GET4: variants seen among roughly 807,000 people sequenced by gnomAD.
GET4 encodes guided entry of tail-anchored proteins factor 4.
GET4 carries 20 observed loss-of-function variants against 40.0 expected under a neutral mutation model. The observed-to-expected ratio is 0.50, with a 90% CI of 0.35 to 0.73. The LOEUF is 0.73. Among genes scored for constraint, GET4 ranks in the 30% least tolerant of loss-of-function variants. The pLI is 0.01. For missense variants in GET4, 557 were observed against 454.0 expected, an observed-to-expected ratio of 1.23 and a Z score of -2.06; for synonymous variants, 280 against 194.6, an observed-to-expected ratio of 1.44 and a Z score of -3.65.
At position 877,657 on chromosome 7, in the gene GET4, C is replaced by T. The variant is rs75112181; in HGVS notation, c.155+857C>T. 2.4e-3 allele frequency among the ~76,000 whole-genome samples: 326 copies of T among 136,110 alleles called. 12 individuals carry two copies. Among genetic ancestry groups the T allele is most frequent in the East Asian group, 0.017 (76 of 4,496 alleles). 89.3% of individuals were successfully genotyped at this position (136,110 alleles called of 152,430 possible). On this transcript the variant is annotated intron_variant, in intron 1 of 8. Coordinates refer to ENST00000265857, the MANE Select transcript of GET4 (RefSeq NM_015949.3). ...CCCAACTCCGCTTCCTTCCGCCGGG[C>T]CTTCACCTGCTCCCCACCCCATATC...
rs557418447 is a variant in GET4, at chr7:885,544, C to G, written c.156-512C>G. 2.2e-4 allele frequency: 34 copies of G among 156,116 alleles called. No homozygotes were observed. In the South Asian group the frequency reaches 6.3e-3, roughly 29 times the overall value. 9.7% of individuals were successfully genotyped at this position (156,116 alleles called of 1,614,324 possible). The stretch of plus-strand genomic sequence containing the variant: ...ACGGGGCACCCCAGACCCTTCCCTC[C>G]CGTGGGGGGAGGGGTGTGGCACGCA... On this transcript the variant is annotated intron_variant, in intron 1 of 8. Coordinates refer to ENST00000265857, the MANE Select transcript of GET4 (RefSeq NM_015949.3).
Position 876,594 on chromosome 7 carries a change from C to G in GET4, c.-52C>G, listed in dbSNP as rs1394010439. ...GGCCGTCGGGACGGAAGCCGGGAGG[C>G]GCTGCCGACCGCGCCTGCGACAGCG... On this transcript the variant is annotated 5_prime_UTR_variant, in exon 1 of 9. Coordinates refer to ENST00000265857, the MANE Select transcript of GET4 (RefSeq NM_015949.3). 4.3e-6 allele frequency: 5 copies of G among 1,155,344 alleles called. No homozygotes were observed. Among genetic ancestry groups the G allele is most frequent in the Non-Finnish European group, 4.3e-6 (4 of 935,994 alleles). The allele number at this position is 1,155,344 out of a possible 1,614,324, so 71.6% of individuals were successfully genotyped here.
At chr7:885,762 G>C (rs556423037) in intron 1 of GET4, 15 of 399,746 alleles carry the variant, frequency 3.8e-5, no homozygotes, top group African/African-American at 8.3e-5. Flanking sequence ...TGGCCTTTCT[G>C]GTCCCAGCTA....
At chr7:891,182 T>C (rs1844313953) in intron 5 of GET4, 116 bp downstream of exon 5, 1 of 762,960 alleles carries the variant, frequency 1.3e-6, no homozygotes, top group Non-Finnish European at 2.1e-6. Context: ...CTGAGTTCAC[T>C]CTGGGCAGAG....
Position 891,048 on chromosome 7 carries a change from T to C in GET4, c.587T>C (p.Val196Ala). Residue 196 changes from valine (V) to alanine (A), a missense_variant, in exon 5 of 9, where the codon GTG (valine) becomes GCG (alanine). Val to Ala is a moderately conservative substitution (Grantham distance 64). Coordinates refer to ENST00000265857, the MANE Select transcript of GET4 (RefSeq NM_015949.3). ...RGFRSEVDMFVAQAVLQFLCL... is the reference protein window; with the variant it reads ...RGFRSEVDMFAAQAVLQFLCL... ...TTCCGCAGCGAGGTGGACATGTTCG[T>C]GGCCCAGGCCGTGCTACAGTAGGTG... The C allele has an allele frequency of 6.2e-7, 1 of 1,606,734 alleles. No homozygotes were observed. Among genetic ancestry groups the C allele is most frequent in the Non-Finnish European group, 8.5e-7 (1 of 1,174,940 alleles).
chr7:884,389 G>T (rs1406355248), intron 1 of GET4: 1 of 1,293,656 alleles, frequency 7.7e-7, no homozygotes, highest in Non-Finnish European at 1.0e-6. Flanking sequence ...CTGCTGTGGT[G>T]TTGGGGTGGG....
In GET4 at chr7:889,333, C is replaced by G. The variant is rs574032992; in HGVS notation, c.467-1595C>G. On this transcript the variant is annotated intron_variant, in intron 4 of 8. Transcript: ENST00000265857. ...CACGCACTGCCTCTGCAGTCCTGAGCACAGGCTCCATACGGGACCTGAGGC... is the reference window on the plus strand; with the variant it reads ...CACGCACTGCCTCTGCAGTCCTGAGGACAGGCTCCATACGGGACCTGAGGC... Among the ~76,000 whole-genome samples, 6 of 152,380 alleles carry G rather than the reference C, an allele frequency of 3.9e-5. No individual in the cohort carries two copies. In the South Asian group the frequency reaches 1.0e-3, roughly 26 times the overall value.
intron 5 of GET4, 25 bp from the exon 6 acceptor site, chr7:892,250 TCCA>T (rs1554268439): frequency 1.3e-6 from 2 of 1,582,412 alleles, no homozygotes; most frequent in African/African-American, 2.7e-5. Flanking sequence ...CTCCAGCCCT[TCCA>T]CCACCAGCAT....
chr7:889,741 G>C (rs1365379455), intron 4 of GET4, among the ~76,000 whole-genome samples: 1 of 139,708 alleles, frequency 7.2e-6, no homozygotes, highest in African/African-American at 2.7e-5. Context: ...GTTAGGACGG[G>C]GTCTGGGAGT....
At chr7:885,756 CT>C (rs1270818467) in intron 1 of GET4, 1 of 390,656 alleles carries the variant, frequency 2.6e-6, no homozygotes, top group Non-Finnish European at 4.7e-6. Context: ...GCCCAGTGGC[CT>C]TTCTGGTCCC....
intron 1 of GET4, chr7:881,120 C>T (rs926242110): frequency 4.6e-5 from 7 of 152,194 alleles, no homozygotes; most frequent in African/African-American, 1.7e-4. Flanking sequence ...CCGCCCCAGC[C>T]TCCCAAAGTG....
chr7:887,534 A>G lies in GET4; in HGVS notation c.466+15A>G, dbSNP rs1844215854. ...CCTGTGGAAAGGTAGGCCTGGGGCCAGGGCAGGCGTGGGCACCTCTCTGCT... is the reference window on the plus strand; with the variant it reads ...CCTGTGGAAAGGTAGGCCTGGGGCCGGGGCAGGCGTGGGCACCTCTCTGCT... On this transcript the variant is annotated intron_variant, in intron 4 of 8. Transcript: ENST00000265857. 2.0e-6 allele frequency: 3 copies of G among 1,510,276 alleles called. No homozygotes were observed. Among genetic ancestry groups the G allele is most frequent in the Admixed American group, 2.2e-5 (1 of 45,056 alleles). The allele number at this position is 1,510,276 out of a possible 1,614,324, so 93.6% of individuals were successfully genotyped here. A position where few individuals can be genotyped will look rare whatever the true frequency, so the allele number is the denominator to read the frequency against.
intron 1 of GET4, among the ~76,000 whole-genome samples, chr7:878,801 G>A (rs1371237217): frequency 5.9e-5 from 9 of 152,154 alleles, no homozygotes; most frequent in African/African-American, 1.9e-4. Context: ...GGCTGGTCTC[G>A]AACTCCTGAC....
chr7:876,658 G>A lies in GET4; in HGVS notation c.13G>A (p.Ala5Thr), dbSNP rs1225166459. The A allele has an allele frequency of 1.6e-6, 2 of 1,283,976 alleles. No homozygotes were observed. Among genetic ancestry groups the A allele is most frequent in the Non-Finnish European group, 9.9e-7 (1 of 1,008,380 alleles). 79.5% of individuals were successfully genotyped at this position (1,283,976 alleles called of 1,614,324 possible). A position where few individuals can be genotyped will look rare whatever the true frequency, so the allele number is the denominator to read the frequency against. ...GAGCGCCGGCCCGATGGCGGCGGCGGCGGCGATGGCCGAGCAGGAGAGCGC... is the reference window on the plus strand; with the variant it reads ...GAGCGCCGGCCCGATGGCGGCGGCGACGGCGATGGCCGAGCAGGAGAGCGC... MAAA[A>T]AMAEQESARN... is the part of the protein sequence containing the mutation. The change falls in exon 1 of 9, where the codon GCG becomes ACG. Residue 5 changes from alanine to threonine, a missense_variant. Transcript: ENST00000265857.
rs529786928 is a variant in GET4 at position 886,838 on chromosome 7, C to G, written c.316+188C>G. Among the ~76,000 whole-genome samples, 410 of 152,366 alleles carry G rather than the reference C, an allele frequency of 2.7e-3. 2 individuals carry two copies. The highest frequency in any genetic ancestry group is 9.3e-3 in the African/African-American group (388 of 41,584). ...CCCCTGGCTGACCCTGGCGCGAGCA[C>G]ACGGCAGGCTGAGCAGGACCTGCTG... On this transcript the variant is annotated intron_variant, in intron 3 of 8. Transcript: ENST00000265857.
chr7:892,167 G>A (rs528064213), intron 5 of GET4, 111 bp from the exon 6 acceptor site: 26 of 1,110,920 alleles, frequency 2.3e-5, no homozygotes, highest in South Asian at 1.1e-4. Flanking sequence ...GCCTTGGGCC[G>A]CAGGAACCGT....
intron 1 of GET4, chr7:883,602 A>G: frequency 1.0e-6 from 1 of 985,446 alleles, no homozygotes; most frequent in Non-Finnish European, 1.2e-6. Context: ...CAGCAGGCAG[A>G]AGCCATTTCC....
chr7:878,159 G>A, intron 1 of GET4: 1 of 424,044 alleles, frequency 2.4e-6, no homozygotes, highest in South Asian at 1.7e-5. Flanking sequence ...GTGTAGCCTG[G>A]AGGGCGAGCG....
intron 4 of GET4, among the ~76,000 whole-genome samples, chr7:888,198 C>T: frequency 6.6e-6 from 1 of 152,194 alleles, no homozygotes; most frequent in East Asian, 1.9e-4. Flanking sequence ...GCAGCCCCCG[C>T]ATTGGAAGCT....
Sources: gnomAD v4.1 joint callset for allele counts (sites outside exome capture counted in the v4.1 genomes callset) on GRCh38, gnomAD v4.1.1 for gene constraint, MANE v1.5 for transcripts, NCBI Gene and HGNC (gene_info 2026-07-23, HGNC 2026-07-21) for gene names.